Variants in CHODL observed in about 807,000 individuals in gnomAD.
The protein encoded by CHODL is chondrolectin.
A neutral mutation model predicts 34.5 loss-of-function variants in CHODL; 29 were observed. The observed-to-expected ratio is 0.84, with a 90% CI of 0.63 to 1.15. The LOEUF is 1.15. Among genes scored for constraint, CHODL ranks in the 50% most tolerant of loss-of-function variants. The pLI is 0.00. For synonymous variants in CHODL, 125 were observed against 116.1 expected (o/e 1.08, Z -0.49); for missense variants, 332 against 332.5 (o/e 1.00, Z 0.01).
intron 1 of CHODL, among the ~76,000 whole-genome samples, chr21:18,019,242 TG>T (rs2064104571): frequency 6.6e-6 from 1 of 152,180 alleles, no homozygotes; most frequent in Non-Finnish European, 1.5e-5. Flanking sequence ...TATTCTTGGA[TG>T]TTACTTGAAA....
intron 2 of CHODL, among the ~76,000 whole-genome samples, chr21:18,164,587 T>C (rs1031494658): frequency 6.6e-6 from 1 of 152,230 alleles, no homozygotes; most frequent in Non-Finnish European, 1.5e-5. Context: ...TCTTCAACTG[T>C]TGGATGAGTA....
In CHODL at chr21:17,936,935, G is replaced by A. The variant is rs866108558; in HGVS notation, c.-145+19535G>A. The stretch of plus-strand genomic sequence containing the variant: ...CTAAAAATACAAAAATTAGCTGGGC[G>A]TGGTGGTGGGCTTCTGTAATCCCAG... On this transcript the variant is annotated intron_variant, in intron 1 of 6. Coordinates refer to the CHODL transcript ENST00000400127. Among the ~76,000 whole-genome samples, 9 of 152,118 alleles carry A rather than the reference G, an allele frequency of 5.9e-5. 2 individuals carry two copies. In the Middle Eastern group the frequency reaches 0.031, roughly 517 times the overall value.
intron 2 of CHODL, among the ~76,000 whole-genome samples, chr21:18,174,141 A>ATATATATATATATCTTGG (rs1568923167): frequency 2.6e-5 from 3 of 117,380 alleles, no homozygotes; most frequent in East Asian, 2.4e-4. Context: ...ATATATATAT[A>ATATATATATATATCTTGG]TATATATATA....
chr21:17,931,820 C>T (rs2063275909), intron 1 of CHODL, among the ~76,000 whole-genome samples: 1 of 152,112 alleles, frequency 6.6e-6, no homozygotes, highest in Non-Finnish European at 1.5e-5. Flanking sequence ...GAGTTAAAGA[C>T]TTAAATATAA....
intron 1 of CHODL, among the ~76,000 whole-genome samples, chr21:17,970,986 C>T (rs971558386): frequency 4.6e-5 from 7 of 151,836 alleles, no homozygotes; most frequent in Admixed American, 2.0e-4. Context: ...ATGTGCTGTT[C>T]GGTTTTCTGT....
At chr21:18,163,088 A>G (rs528132228) in intron 2 of CHODL, among the ~76,000 whole-genome samples, 50 of 152,340 alleles carry the variant, frequency 3.3e-4, no homozygotes, top group Admixed American at 2.0e-4. Flanking sequence ...AGGATACTAG[A>G]GTGTTTACAG....
chr21:18,042,579 G>A (rs1320418434), intron 2 of CHODL, among the ~76,000 whole-genome samples: 1 of 151,958 alleles, frequency 6.6e-6, no homozygotes, highest in Non-Finnish European at 1.5e-5. Flanking sequence ...CAGTTCAGGT[G>A]CTCTAAACCA....
At chr21:18,084,741 G>A (rs192714755) in intron 2 of CHODL, among the ~76,000 whole-genome samples, 1 of 152,122 alleles carries the variant, frequency 6.6e-6, no homozygotes, top group East Asian at 1.9e-4. Context: ...TGTGTATTCT[G>A]TAGTTGTTGG....
At chr21:18,222,030 A>G (rs569631903) in intron 2 of CHODL, among the ~76,000 whole-genome samples, 1 of 152,204 alleles carries the variant, frequency 6.6e-6, no homozygotes, top group Non-Finnish European at 1.5e-5. Flanking sequence ...CACCAATGGG[A>G]TGGGTGGCAA....
intron 2 of CHODL, among the ~76,000 whole-genome samples, chr21:18,077,760 C>G (rs557008842): frequency 6.6e-6 from 1 of 152,304 alleles, no homozygotes; most frequent in African/African-American, 2.4e-5. Flanking sequence ...CTTGGACTTC[C>G]AAGCCTCCCG....
intron 2 of CHODL, among the ~76,000 whole-genome samples, chr21:18,235,380 A>T (rs1057144893): frequency 6.6e-6 from 1 of 152,066 alleles, no homozygotes; most frequent in Non-Finnish European, 1.5e-5. Flanking sequence ...AAGAAAATTT[A>T]AAAAATTAAA....
rs2073468841 is a variant in CHODL, at chr21:18,188,355, T to C, written c.-44-68154T>C. Among the ~76,000 whole-genome samples, 6 of 152,184 alleles carry C rather than the reference T, an allele frequency of 3.9e-5. No homozygotes were observed. The South Asian group carries it at 1.2e-3, about 32-fold the overall frequency. On this transcript the variant is annotated intron_variant, in intron 2 of 6. Coordinates refer to the CHODL transcript ENST00000400127. ...CTCTAGGCTTGCAAATGCATATACC[T>C]ATTTGATATTTCTACATGGATGTTC...
intron 1 of CHODL, among the ~76,000 whole-genome samples, chr21:17,983,452 T>C (rs2146378349): frequency 6.6e-6 from 1 of 152,348 alleles, no homozygotes; most frequent in African/African-American, 2.4e-5. Flanking sequence ...AAAAATTGTA[T>C]ACTTTCCTCA....
intron 2 of CHODL, among the ~76,000 whole-genome samples, chr21:18,133,996 C>T (rs2072689720): frequency 6.6e-6 from 1 of 152,192 alleles, no homozygotes. Context: ...AATTACCTAT[C>T]TATCTCTCTA....
intron 2 of CHODL, among the ~76,000 whole-genome samples, chr21:18,136,453 A>G (rs1298088830): frequency 6.6e-6 from 1 of 152,116 alleles, no homozygotes; most frequent in African/African-American, 2.4e-5. Context: ...CCCATGTACC[A>G]CACAGCCCAG....
intron 1 of CHODL, chr21:18,246,108 C>G: frequency 1.5e-6 from 1 of 673,848 alleles, no homozygotes; most frequent in Non-Finnish European, 2.6e-6. Flanking sequence ...AATTACTCTC[C>G]CTTACTTTTT....
intron 2 of CHODL, among the ~76,000 whole-genome samples, chr21:18,128,724 A>G (rs2072613260): frequency 6.6e-6 from 1 of 152,156 alleles, no homozygotes. Flanking sequence ...TCTATGTCTT[A>G]ATCTGTTTTT....
chr21:18,220,166 A>C (rs571924993), intron 2 of CHODL, among the ~76,000 whole-genome samples: 1 of 152,176 alleles, frequency 6.6e-6, no homozygotes, highest in East Asian at 1.9e-4. Flanking sequence ...TTTGGTTTCC[A>C]CTTGCATGGA....
At chr21:17,982,696 C>CTTTTTTTTTTTTTT (rs397867753) in intron 1 of CHODL, among the ~76,000 whole-genome samples, 4 of 62,980 alleles carry the variant, frequency 6.4e-5, no homozygotes, top group Admixed American at 2.9e-4. Context: ...TATATATATT[C>CTTTTTTTTTTTTTT]TTTTTTTTTT....
Sources: gnomAD v4.1 joint callset for allele counts (sites outside exome capture counted in the v4.1 genomes callset) on GRCh38, gnomAD v4.1.1 for gene constraint, MANE v1.5 for transcripts, NCBI Gene and HGNC (gene_info 2026-07-23, HGNC 2026-07-21) for gene names.